Variants in CNTN5 observed in about 807,000 individuals in gnomAD.
The protein encoded by CNTN5 is contactin 5.
In CNTN5, 77 loss-of-function variants were observed where a neutral mutation model predicts 129.1. The observed-to-expected ratio is 0.60, with a 90% CI of 0.50 to 0.72. The LOEUF is 0.72. Ranked by LOEUF, CNTN5 falls within the 30% of genes least tolerant of loss-of-function variation. The pLI is 0.00. For synonymous variants in CNTN5, 509 were observed against 465.6 expected, an observed-to-expected ratio of 1.09 and a Z score of -1.20; for missense variants, 1,478 against 1,328.8, an observed-to-expected ratio of 1.11 and a Z score of -1.75.
intron 18 of CNTN5, among the ~76,000 whole-genome samples, chr11:100,273,761 A>G (rs576687450): frequency 2.6e-4 from 40 of 152,354 alleles, no homozygotes; most frequent in Non-Finnish European, 5.6e-4. Context: ...GCACTCAAAA[A>G]TAGAAAGATT....
At chr11:100,310,360 A>G (rs1222218247) in intron 21 of CNTN5, among the ~76,000 whole-genome samples, 3 of 151,914 alleles carry the variant, frequency 2.0e-5, no homozygotes, top group African/African-American at 7.2e-5. Context: ...CCCTAATAGC[A>G]TGACACTCAG....
chr11:99,683,610 C>A (rs991601067), intron 3 of CNTN5, among the ~76,000 whole-genome samples: 1 of 151,796 alleles, frequency 6.6e-6, no homozygotes, highest in African/African-American at 2.4e-5. Flanking sequence ...TTTGCCTGAT[C>A]TGGGTAATTT....
At chr11:99,108,333 A>G (rs1173619506) in intron 1 of CNTN5, among the ~76,000 whole-genome samples, 1 of 152,288 alleles carries the variant, frequency 6.6e-6, no homozygotes, top group East Asian at 1.9e-4. Flanking sequence ...TATGATGCCT[A>G]CACAACAATG....
At chr11:99,239,902 G>A (rs1417149150) in intron 1 of CNTN5, among the ~76,000 whole-genome samples, 10 of 146,528 alleles carry the variant, frequency 6.8e-5, no homozygotes, top group East Asian at 2.0e-4. Flanking sequence ...GCGCCACTGT[G>A]CTCCAGCCTG....
Position 99,503,751 on chromosome 11 carries a change from T to C in CNTN5, c.-70-52394T>C, listed in dbSNP as rs541668524. Among the ~76,000 whole-genome samples the C allele has an allele frequency of 5.3e-5, 8 of 152,220 alleles. 1 individual carries two copies. The South Asian group carries it at 1.7e-3, about 32-fold the overall frequency. The stretch of plus-strand genomic sequence containing the variant: ...AGACAGATAAATAGATCTATATCTA[T>C]TACATATAATGGAATTTTTTTTGTA... On this transcript the variant is annotated intron_variant, in intron 2 of 24. Transcript: ENST00000524871.
At chr11:100,171,390 C>T (rs1359896512) in intron 13 of CNTN5, among the ~76,000 whole-genome samples, 1 of 151,866 alleles carries the variant, frequency 6.6e-6, no homozygotes, top group Non-Finnish European at 1.5e-5. Flanking sequence ...AAAGAACACG[C>T]AAAAATCTCA....
intron 9 of CNTN5, among the ~76,000 whole-genome samples, chr11:100,050,738 A>G (rs1249399308): frequency 6.6e-6 from 1 of 152,136 alleles, no homozygotes; most frequent in Non-Finnish European, 1.5e-5. Context: ...TGTTAAAAGC[A>G]GAAAGATTAA....
chr11:100,209,358 T>G (rs1027052699), intron 15 of CNTN5, among the ~76,000 whole-genome samples: 1 of 152,214 alleles, frequency 6.6e-6, no homozygotes, highest in Non-Finnish European at 1.5e-5. Flanking sequence ...GGTAAACTGC[T>G]CTTACCAAAT....
chr11:100,081,406 A>G (rs1028001192), intron 13 of CNTN5, among the ~76,000 whole-genome samples: 2 of 152,076 alleles, frequency 1.3e-5, no homozygotes, highest in Non-Finnish European at 2.9e-5. Flanking sequence ...GCAGAGGAAA[A>G]ATTTTACTCA....
chr11:99,981,769 C>G (rs1352514761), intron 8 of CNTN5, among the ~76,000 whole-genome samples: 2 of 152,134 alleles, frequency 1.3e-5, no homozygotes, highest in Non-Finnish European at 2.9e-5. Context: ...TCATTCTATG[C>G]CATAAGTATA....
chr11:100,130,003 T>C lies in CNTN5; in HGVS notation c.1580+55709T>C, dbSNP rs1367889478. Among the ~76,000 whole-genome samples, 4 of 152,226 alleles carry C rather than the reference T, an allele frequency of 2.6e-5. No homozygotes were observed. The East Asian group carries it at 7.7e-4, about 29-fold the overall frequency. Reference sequence around the variant, plus strand: ...AAATAGGAATATAGACTGGAAATCATACATGGAAAATAAATTCTAATTTTT... The same window carrying C: ...AAATAGGAATATAGACTGGAAATCACACATGGAAAATAAATTCTAATTTTT... On this transcript the variant is annotated intron_variant, in intron 13 of 24. Coordinates refer to ENST00000524871, the MANE Select transcript of CNTN5 (RefSeq NM_014361.4).
intron 1 of CNTN5, among the ~76,000 whole-genome samples, chr11:99,033,543 G>A (rs1232738187): frequency 2.6e-5 from 4 of 152,104 alleles, no homozygotes; most frequent in African/African-American, 7.2e-5. Flanking sequence ...GTGAATGGGA[G>A]TTCACTCATG....
chr11:100,091,194 C>T (rs571658983), intron 13 of CNTN5, among the ~76,000 whole-genome samples: 1 of 151,100 alleles, frequency 6.6e-6, no homozygotes, highest in Non-Finnish European at 1.5e-5. Context: ...TACTGCAGGA[C>T]AAGGCACCAC....
intron 2 of CNTN5, among the ~76,000 whole-genome samples, chr11:99,327,137 G>A (rs1208467927): frequency 1.3e-5 from 2 of 152,088 alleles, no homozygotes; most frequent in East Asian, 3.9e-4. Flanking sequence ...ATTTAGTAAT[G>A]TTAGAAACAA....
At chr11:99,771,247 G>A (rs72987755) in intron 3 of CNTN5, among the ~76,000 whole-genome samples, 1 of 152,002 alleles carries the variant, frequency 6.6e-6, no homozygotes. Flanking sequence ...GAAAAAGTCA[G>A]TATGCTGAAG....
intron 2 of CNTN5, among the ~76,000 whole-genome samples, chr11:99,372,058 T>G (rs1939859601): frequency 6.6e-6 from 1 of 152,140 alleles, no homozygotes; most frequent in Non-Finnish European, 1.5e-5. Flanking sequence ...AAAAATACAT[T>G]TCTATTTATT....
At chr11:99,502,948 C>T (rs1946480465) in intron 2 of CNTN5, among the ~76,000 whole-genome samples, 1 of 152,082 alleles carries the variant, frequency 6.6e-6, no homozygotes, top group African/African-American at 2.4e-5. Context: ...TTCTGCATGG[C>T]TAGAAAATTA....
intron 2 of CNTN5, among the ~76,000 whole-genome samples, chr11:99,533,913 C>T (rs767015517): frequency 3.3e-5 from 5 of 152,100 alleles, no homozygotes; most frequent in Admixed American, 1.3e-4. Flanking sequence ...GAGAAAATTC[C>T]GTGGGTTTGG....
intron 9 of CNTN5, among the ~76,000 whole-genome samples, chr11:100,043,842 A>G (rs1942505179): frequency 6.6e-6 from 1 of 150,458 alleles, no homozygotes; most frequent in Non-Finnish European, 1.5e-5. Flanking sequence ...AGTTTGTTGT[A>G]TTTCTAATTA....
Sources: gnomAD v4.1 joint callset for allele counts (sites outside exome capture counted in the v4.1 genomes callset) on GRCh38, gnomAD v4.1.1 for gene constraint, MANE v1.5 for transcripts, NCBI Gene and HGNC (gene_info 2026-07-23, HGNC 2026-07-21) for gene names.